DLG2: variants seen among roughly 807,000 people sequenced by gnomAD.
DLG2 encodes the protein discs large MAGUK scaffold protein 2, also known as disks large homolog 2.
DLG2 carries 45 observed loss-of-function variants against 132.5 expected under a neutral mutation model. That is an observed-to-expected ratio of 0.34 (90% confidence interval 0.27 to 0.44). The LOEUF is 0.44. DLG2 is among the 20% of genes least tolerant of loss of function. The pLI is 1.00. For synonymous variants in DLG2, 424 were observed against 419.6 expected (o/e 1.01, Z -0.13); for missense variants, 1,045 against 1,196.9 (o/e 0.87, Z 1.87).
chr11:83,884,562 T>C (rs1425708113), intron 15 of DLG2, among the ~76,000 whole-genome samples: 2 of 152,194 alleles, frequency 1.3e-5, no homozygotes, highest in Non-Finnish European at 2.9e-5. Context: ...CAGACTTAAA[T>C]GTCCCTGTCG....
At chr11:85,064,886 CTCTT>C (rs1053225067) in intron 6 of DLG2, among the ~76,000 whole-genome samples, 3 of 151,552 alleles carry the variant, frequency 2.0e-5, no homozygotes, top group Admixed American at 6.6e-5. Flanking sequence ...CAGCCTCTCT[CTCTT>C]TCTCTCTCTC....
chr11:85,061,065 T>C (rs947271167), intron 6 of DLG2, among the ~76,000 whole-genome samples: 6 of 151,794 alleles, frequency 4.0e-5, no homozygotes, highest in Middle Eastern at 3.4e-3. Context: ...TCAAATCCTT[T>C]GTCCATTTTT....
chr11:83,580,013 T>G (rs1053606779), intron 19 of DLG2, among the ~76,000 whole-genome samples: 2 of 151,840 alleles, frequency 1.3e-5, no homozygotes, highest in Non-Finnish European at 2.9e-5. Flanking sequence ...ATAAATTTGG[T>G]CAGTATGTGA....
intron 10 of DLG2, among the ~76,000 whole-genome samples, chr11:84,075,265 G>A (rs1478778952): frequency 6.6e-6 from 1 of 152,044 alleles, no homozygotes; most frequent in Non-Finnish European, 1.5e-5. Context: ...ATGATATTTT[G>A]TGTAGTTGTT....
At chr11:83,638,995 T>C (rs2065631559) in intron 18 of DLG2, among the ~76,000 whole-genome samples, 1 of 152,166 alleles carries the variant, frequency 6.6e-6, no homozygotes, top group Non-Finnish European at 1.5e-5. Flanking sequence ...AGAATGCAAA[T>C]CTACCATTCA....
At chr11:85,088,992 A>G (rs1405705380) in intron 6 of DLG2, among the ~76,000 whole-genome samples, 1 of 152,156 alleles carries the variant, frequency 6.6e-6, no homozygotes, top group East Asian at 1.9e-4. Flanking sequence ...TCACAAGAAA[A>G]CCTAAAAATA....
chr11:84,106,325 T>A (rs2092910508), intron 9 of DLG2, among the ~76,000 whole-genome samples: 2 of 152,132 alleles, frequency 1.3e-5, no homozygotes, highest in South Asian at 4.1e-4. Flanking sequence ...CTTTCTCACA[T>A]CCACTTTCTG....
chr11:85,577,092 A>C (rs185794138), intron 3 of DLG2, among the ~76,000 whole-genome samples: 64 of 152,274 alleles, frequency 4.2e-4, no homozygotes, highest in African/African-American at 1.5e-3. Flanking sequence ...AAGGCCTTAG[A>C]GTAATAAGGA....
intron 6 of DLG2, among the ~76,000 whole-genome samples, chr11:85,042,278 G>A (rs1484047779): frequency 6.6e-6 from 1 of 151,796 alleles, no homozygotes; most frequent in Admixed American, 6.6e-5. Context: ...AAATAAATAA[G>A]GTATCCAAAG....
intron 15 of DLG2, among the ~76,000 whole-genome samples, chr11:83,905,234 G>A (rs2074423734): frequency 6.6e-6 from 1 of 152,146 alleles, no homozygotes; most frequent in Admixed American, 6.6e-5. Flanking sequence ...AGTAGGTGAG[G>A]AAACTGAGGC....
intron 6 of DLG2, among the ~76,000 whole-genome samples, chr11:84,714,627 C>CTTTCTCTTTCTCTT (rs1253592204): frequency 2.3e-4 from 25 of 107,344 alleles, no homozygotes; most frequent in Admixed American, 4.6e-4. Context: ...TTCTCTTTCT[C>CTTTCTCTTTCTCTT]TCTCTCTCTC....
chr11:84,994,376 G>A (rs1054778578), intron 6 of DLG2, among the ~76,000 whole-genome samples: 2 of 152,054 alleles, frequency 1.3e-5, no homozygotes, highest in South Asian at 2.1e-4. Flanking sequence ...TAAATGTAAG[G>A]GAAAATGGTG....
chr11:85,062,494 G>A (rs1250741492), intron 6 of DLG2, among the ~76,000 whole-genome samples: 3 of 150,756 alleles, frequency 2.0e-5, no homozygotes, highest in Admixed American at 6.6e-5. Context: ...TGCAAACATT[G>A]TGTTAAATAT....
chr11:84,991,174 G>A (rs796380868), intron 6 of DLG2, among the ~76,000 whole-genome samples: 8 of 152,134 alleles, frequency 5.3e-5, no homozygotes, highest in Non-Finnish European at 1.0e-4. Flanking sequence ...ATGGGGATTC[G>A]ATCGGTGGTT....
intron 6 of DLG2, among the ~76,000 whole-genome samples, chr11:84,684,365 T>A (rs2099736178): frequency 6.6e-6 from 1 of 152,186 alleles, no homozygotes; most frequent in Non-Finnish European, 1.5e-5. Flanking sequence ...TGACTTCCTT[T>A]ATACAACTTT....
chr11:83,553,527 TGTTTGC>T, intron 19 of DLG2, among the ~76,000 whole-genome samples: 1 of 148,882 alleles, frequency 6.7e-6, no homozygotes, highest in Non-Finnish European at 1.5e-5. Context: ...TGTGTGTGTG[TGTTTGC>T]TGCTGCTGCT....
chr11:83,745,936 T>C (rs1363127930), intron 18 of DLG2, among the ~76,000 whole-genome samples: 1 of 152,150 alleles, frequency 6.6e-6, no homozygotes, highest in African/African-American at 2.4e-5. Context: ...CAGACACTTC[T>C]CAAAAGAAGA....
At chr11:85,238,022 G>C (rs1595610187) in intron 4 of DLG2, among the ~76,000 whole-genome samples, 1 of 151,682 alleles carries the variant, frequency 6.6e-6, no homozygotes, top group Non-Finnish European at 1.5e-5. Flanking sequence ...TCCCTTACTA[G>C]TAAATATTCT....
intron 7 of DLG2, among the ~76,000 whole-genome samples, chr11:84,316,357 T>C (rs1312814360): frequency 6.6e-6 from 1 of 152,194 alleles, no homozygotes; most frequent in East Asian, 1.9e-4. Flanking sequence ...AGGCATACAG[T>C]ATTATAAGAG....
Sources: gnomAD v4.1 joint callset for allele counts (sites outside exome capture counted in the v4.1 genomes callset) on GRCh38, gnomAD v4.1.1 for gene constraint, MANE v1.5 for transcripts, NCBI Gene and HGNC (gene_info 2026-07-23, HGNC 2026-07-21) for gene names.